Variants in HYDIN observed in about 807,000 individuals in gnomAD.
HYDIN encodes the protein HYDIN axonemal central pair apparatus protein, also known as axonemal central pair apparatus protein HYDIN.
In HYDIN, 132 loss-of-function variants were observed where a neutral mutation model predicts 403.9. The observed-to-expected ratio is 0.33, with a 90% CI of 0.28 to 0.38. The LOEUF is 0.38. Among genes scored for constraint, HYDIN ranks in the 10% least tolerant of loss-of-function variants. The pLI, the probability that HYDIN is intolerant of heterozygous loss-of-function variation, is 1.00. For synonymous variants in HYDIN, 1,202 were observed against 1,891.7 expected, an observed-to-expected ratio of 0.64 and a Z score of 9.46; for missense variants, 2,827 against 5,009.5, an observed-to-expected ratio of 0.56 and a Z score of 13.15.
At chr16:70,810,664 T>TA (rs991803451) in intron 84 of HYDIN, among the ~76,000 whole-genome samples, 5 of 151,590 alleles carry the variant, frequency 3.3e-5, no homozygotes, top group Admixed American at 6.6e-5. Flanking sequence ...ACCCCATTTC[T>TA]AAAAAAAACA....
chr16:71,108,738 T>C (rs1198673092), intron 10 of HYDIN, among the ~76,000 whole-genome samples: 1 of 151,994 alleles, frequency 6.6e-6, no homozygotes. Context: ...AAGATGAAAA[T>C]ACACAACTAG....
intron 53 of HYDIN, among the ~76,000 whole-genome samples, 177 bp downstream of exon 53, chr16:70,900,827 T>C (rs1185057421): frequency 7.3e-6 from 1 of 137,636 alleles, no homozygotes; most frequent in Non-Finnish European, 1.6e-5. Flanking sequence ...ATTGCCTCTA[T>C]GGAGCTTGCA....
intron 60 of HYDIN, 78 bp from the exon 61 acceptor site, chr16:70,879,834 C>T: frequency 1.8e-6 from 1 of 567,816 alleles, no homozygotes; most frequent in Non-Finnish European, 3.0e-6. Context: ...TTCAGGAGTC[C>T]CCCACCTCTC....
intron 25 of HYDIN, among the ~76,000 whole-genome samples, chr16:70,989,593 T>G (rs2144039078): frequency 6.6e-6 from 1 of 152,278 alleles, no homozygotes; most frequent in South Asian, 2.1e-4. Context: ...CTAATATGAG[T>G]GCCATCTTCC....
intron 20 of HYDIN, among the ~76,000 whole-genome samples, chr16:71,026,108 C>A (rs547162935): frequency 1.2e-3 from 189 of 152,270 alleles, no homozygotes; most frequent in African/African-American, 4.4e-3. Flanking sequence ...CCATGTTGGT[C>A]AGGCTGGTCT....
chr16:71,003,691 C>A (rs1003383642), intron 23 of HYDIN, among the ~76,000 whole-genome samples: 3 of 151,594 alleles, frequency 2.0e-5, no homozygotes, highest in Admixed American at 2.0e-4. Context: ...CCCAGCTACT[C>A]AGGAGGTTGA....
At chr16:70,856,777 A>G (rs901952503) in intron 72 of HYDIN, among the ~76,000 whole-genome samples, 4 of 152,120 alleles carry the variant, frequency 2.6e-5, no homozygotes, top group African/African-American at 9.7e-5. Flanking sequence ...TCCCCCTCCC[A>G]CCTAATTATG....
chr16:70,804,550 C>T lies in HYDIN; in HGVS notation c.*3030G>A, dbSNP rs184071745. ...CGCATTCTTTGGTGAATCAGCTTCT[C>T]GTGAGGTCCTTCAGATCAGCTGATG... On this transcript the variant is annotated 3_prime_UTR_variant, in exon 86 of 86. Coordinates refer to ENST00000393567, the MANE Select transcript of HYDIN (RefSeq NM_001270974.2). Among the ~76,000 whole-genome samples, 90 of 152,306 alleles carry T rather than the reference C, an allele frequency of 5.9e-4. 1 individual carries two copies. The highest frequency in any genetic ancestry group is 1.0e-3 in the Admixed American group (16 of 15,302).
chr16:71,132,917 G>C (rs2084769772), intron 8 of HYDIN: 2 of 164,188 alleles, frequency 1.2e-5, no homozygotes, highest in Non-Finnish European at 2.6e-5. Context: ...CCTGTTGATA[G>C]TCATGGTTTC....
At chr16:71,072,526 C>T (rs1239401579) in intron 13 of HYDIN, among the ~76,000 whole-genome samples, 13 of 151,698 alleles carry the variant, frequency 8.6e-5, no homozygotes, top group Admixed American at 4.6e-4. Context: ...TTTTATAGTG[C>T]GTTAGCCCTT....
chr16:70,879,829 G>C, intron 60 of HYDIN, 73 bp from the exon 61 acceptor site: 1 of 584,006 alleles, frequency 1.7e-6, no homozygotes, highest in Non-Finnish European at 2.9e-6. Flanking sequence ...TTATTTTCAG[G>C]AGTCCCCCAC....
intron 13 of HYDIN, 35 bp from the exon 14 acceptor site, chr16:71,069,537 C>T (rs747806379): frequency 2.6e-6 from 4 of 1,544,858 alleles, no homozygotes; most frequent in South Asian, 1.1e-5. Flanking sequence ...AAATAAAAGC[C>T]CCCCCAACAC....
chr16:71,177,208 C>T (rs1488922549), intron 4 of HYDIN, among the ~76,000 whole-genome samples: 2 of 152,192 alleles, frequency 1.3e-5, no homozygotes, highest in African/African-American at 4.8e-5. Context: ...CCCCGACTTG[C>T]TATTAAACAA....
chr16:71,087,273 G>T (rs4788758), intron 12 of HYDIN, among the ~76,000 whole-genome samples: 1 of 151,756 alleles, frequency 6.6e-6, no homozygotes, highest in South Asian at 2.1e-4. Context: ...TTAAACAACA[G>T]AAGTTTATTT....
rs761977356 is a variant in HYDIN, at chr16:70,920,785, C to A, written c.7591G>T (p.Ala2531Ser). The change falls in exon 46 of 86, where the codon GCG becomes TCG. Residue 2531 changes from alanine (A) to serine (S), a missense_variant. By Grantham distance (99) the Ala-to-Ser change is moderately conservative. Coordinates refer to ENST00000393567, the MANE Select transcript of HYDIN (RefSeq NM_001270974.2). Reference protein sequence around the residue: ...TEKERLEREKAERERLEKLRA... With the variant: ...TEKERLEREKSERERLEKLRA... The stretch of plus-strand genomic sequence containing the variant: ...AGCTTCTCCAGGCGCTCCCGCTCCG[C>A]CTTCTCCCTCTCCAGGCGCTCCTTC... The A allele has an allele frequency of 7.1e-6, 11 of 1,559,914 alleles. No individual in the cohort carries two copies. Among genetic ancestry groups the A allele is most frequent in the Non-Finnish European group, 8.7e-6 (10 of 1,151,198 alleles).
intron 8 of HYDIN, among the ~76,000 whole-genome samples, chr16:71,130,175 C>T (rs2084648232): frequency 6.6e-6 from 1 of 152,258 alleles, no homozygotes; most frequent in African/African-American, 2.4e-5. Flanking sequence ...TTCTGCCCCT[C>T]ACATGGCAAG....
intron 3 of HYDIN, among the ~76,000 whole-genome samples, chr16:71,182,040 A>C (rs1355131288): frequency 6.6e-6 from 1 of 152,150 alleles, no homozygotes; most frequent in Non-Finnish European, 1.5e-5. Context: ...ATTTTAGAAT[A>C]GCACTCCAGT....
Position 70,808,113 on chromosome 16 carries a change from C to A in HYDIN, c.14884-51G>T, listed in dbSNP as rs369421504. 9.8e-5 allele frequency: 151 copies of A among 1,545,462 alleles called. No individual in the cohort carries two copies. In the Middle Eastern group the frequency reaches 1.3e-3, roughly 13 times the overall value. On this transcript the variant is annotated intron_variant, in intron 85 of 85. Coordinates refer to ENST00000393567, the MANE Select transcript of HYDIN (RefSeq NM_001270974.2). The stretch of plus-strand genomic sequence containing the variant: ...CTCACGTGAGATCCTGAAGAGCACA[C>A]CAGGAGCTCAAGTCTACCCCAGCCC...
At chr16:71,198,118 A>T (rs1307829012) in intron 1 of HYDIN, among the ~76,000 whole-genome samples, 1 of 152,212 alleles carries the variant, frequency 6.6e-6, no homozygotes. Flanking sequence ...TAATATCTAG[A>T]TGAATGGAAT....
Sources: gnomAD v4.1 joint callset for allele counts (sites outside exome capture counted in the v4.1 genomes callset) on GRCh38, gnomAD v4.1.1 for gene constraint, MANE v1.5 for transcripts, NCBI Gene and HGNC (gene_info 2026-07-23, HGNC 2026-07-21) for gene names.